Variants in ELAVL4 observed in about 807,000 individuals in gnomAD.
The protein encoded by ELAVL4 is ELAV-like protein 4.
Under a neutral mutation model 35.6 loss-of-function variants are expected in ELAVL4, and 1 was observed. That is an observed-to-expected ratio of 0.03 (90% CI 0.01 to 0.13). The LOEUF is 0.13. Among genes scored for constraint, ELAVL4 ranks in the 10% least tolerant of loss-of-function variants. The probability of loss-of-function intolerance (pLI) is 1.00; values close to 1 mark genes in which losing one functional copy is unlikely to be tolerated. For synonymous variants in ELAVL4, 156 were observed against 171.0 expected, an observed-to-expected ratio of 0.91 and a Z score of 0.69; for missense variants, 267 against 464.9, an observed-to-expected ratio of 0.57 and a Z score of 3.91.
intron 1 of ELAVL4, among the ~76,000 whole-genome samples, chr1:50,121,248 A>G (rs1424028725): frequency 6.6e-6 from 1 of 152,058 alleles, no homozygotes; most frequent in South Asian, 2.1e-4. Flanking sequence ...GTCTCTTAAT[A>G]TGTAAAACAG....
chr1:50,086,032 T>C (rs1043262854), intron 1 of ELAVL4, among the ~76,000 whole-genome samples: 1 of 152,232 alleles, frequency 6.6e-6, no homozygotes, highest in Non-Finnish European at 1.5e-5. Flanking sequence ...TGTTTTGTAA[T>C]ACATTTATGT....
intron 2 of ELAVL4, among the ~76,000 whole-genome samples, chr1:50,168,209 T>C (rs1420294774): frequency 6.6e-6 from 1 of 152,160 alleles, no homozygotes; most frequent in African/African-American, 2.4e-5. Flanking sequence ...CATGAGGCCA[T>C]TGGCGCAAAC....
At chr1:50,163,152 T>C (rs1236858057) in intron 2 of ELAVL4, among the ~76,000 whole-genome samples, 1 of 152,230 alleles carries the variant, frequency 6.6e-6, no homozygotes, top group African/African-American at 2.4e-5. Context: ...ACTATACCTG[T>C]TGCCCTTGAC....
At chr1:50,062,865 TATCCATTAATCCATCC>T (rs1664066138) in intron 1 of ELAVL4, among the ~76,000 whole-genome samples, 1 of 152,178 alleles carries the variant, frequency 6.6e-6, no homozygotes, top group African/African-American at 2.4e-5. Context: ...GCTGAGTTTT[TATCCATTAATCCATCC>T]ATCCATTCAC....
intron 3 of ELAVL4, among the ~76,000 whole-genome samples, chr1:50,184,067 G>C (rs1039777085): frequency 1.3e-5 from 2 of 152,168 alleles, no homozygotes; most frequent in Admixed American, 1.3e-4. Flanking sequence ...GTTTACCCCA[G>C]TTGTGCTAGC....
intron 1 of ELAVL4, among the ~76,000 whole-genome samples, chr1:50,053,315 C>A (rs1663489389): frequency 6.6e-6 from 1 of 152,128 alleles, no homozygotes; most frequent in South Asian, 2.1e-4. Context: ...CTCCTACAAC[C>A]ATTTCAGATG....
At chr1:50,197,543 C>A in intron 6 of ELAVL4, 76 bp downstream of exon 6, 1 of 1,293,132 alleles carries the variant, frequency 7.7e-7, no homozygotes, top group Non-Finnish European at 1.0e-6. Flanking sequence ...TTTTAATTCA[C>A]TAACTTTACT....
chr1:50,122,165 A>T (rs1669146825), intron 1 of ELAVL4, among the ~76,000 whole-genome samples: 1 of 152,050 alleles, frequency 6.6e-6, no homozygotes, highest in Admixed American at 6.6e-5. Flanking sequence ...ACTCCAGAAT[A>T]AAATTTCAAA....
intron 1 of ELAVL4, among the ~76,000 whole-genome samples, chr1:50,055,546 GC>G (rs1473714308): frequency 1.3e-5 from 2 of 151,952 alleles, no homozygotes; most frequent in Non-Finnish European, 2.9e-5. Flanking sequence ...TGATCCACCC[GC>G]CTCGGCCTCC....
In ELAVL4 at chr1:50,193,731, T is replaced by C. The variant is rs770103542; in HGVS notation, c.355-34T>C. 3 of 1,603,098 alleles carry C rather than the reference T, an allele frequency of 1.9e-6. No individual in the cohort carries two copies. In the Admixed American group the frequency reaches 5.1e-5, roughly 27 times the overall value. On this transcript the variant is annotated intron_variant, in intron 3 of 6. Coordinates refer to ENST00000371824, the MANE Select transcript of ELAVL4 (RefSeq NM_001144774.3). ...AGCATCTACTCTGAGGGTGATTGCC[T>C]ATAATGGAATTAGCTCCTCTTGCCT...
chr1:50,155,399 C>T (rs555914016), intron 2 of ELAVL4, among the ~76,000 whole-genome samples: 10 of 152,020 alleles, frequency 6.6e-5, no homozygotes, highest in Admixed American at 6.6e-5. Context: ...AGACACTTGC[C>T]CACTGTAATG....
intron 1 of ELAVL4, among the ~76,000 whole-genome samples, chr1:50,081,183 TG>T (rs1362970227): frequency 1.3e-5 from 2 of 152,208 alleles, no homozygotes; most frequent in Non-Finnish European, 2.9e-5. Flanking sequence ...TTTTCTGTAC[TG>T]TCTGTTGTAC....
chr1:50,109,936 C>T, intron 1 of ELAVL4: 1 of 1,612,232 alleles, frequency 6.2e-7, no homozygotes, highest in Non-Finnish European at 8.5e-7. Flanking sequence ...TTCTTCTGAT[C>T]ACAGATGGAG....
chr1:50,198,123 A>T (rs538593056), intron 6 of ELAVL4, among the ~76,000 whole-genome samples: 1 of 152,110 alleles, frequency 6.6e-6, no homozygotes, highest in Non-Finnish European at 1.5e-5. Context: ...GTTATATGTT[A>T]TGTGTGTTTT....
chr1:50,082,079 T>C (rs1665036810), intron 1 of ELAVL4, among the ~76,000 whole-genome samples: 1 of 152,228 alleles, frequency 6.6e-6, no homozygotes, highest in Non-Finnish European at 1.5e-5. Flanking sequence ...CAGTCTATCA[T>C]TGATGGGCAT....
chr1:50,077,850 T>TGTGGA (rs1305219591), intron 1 of ELAVL4, among the ~76,000 whole-genome samples: 6 of 152,212 alleles, frequency 3.9e-5, no homozygotes, highest in African/African-American at 1.4e-4. Context: ...TCAATAACTT[T>TGTGGA]ATCCCTCTGT....
intron 3 of ELAVL4, among the ~76,000 whole-genome samples, chr1:50,178,379 G>A (rs976537321): frequency 1.3e-5 from 2 of 152,212 alleles, no homozygotes; most frequent in African/African-American, 2.4e-5. Flanking sequence ...GAGACTACTG[G>A]TATAAGATAA....
At chr1:50,187,026 G>A (rs978460582) in intron 3 of ELAVL4, among the ~76,000 whole-genome samples, 1 of 152,206 alleles carries the variant, frequency 6.6e-6, no homozygotes, top group Admixed American at 6.5e-5. Context: ...CTAGAGGTGG[G>A]ATTGTAGGTC....
At chr1:50,178,670 G>T (rs1557841008) in intron 3 of ELAVL4, among the ~76,000 whole-genome samples, 1 of 152,126 alleles carries the variant, frequency 6.6e-6, no homozygotes, top group African/African-American at 2.4e-5. Flanking sequence ...TCCTCTGAGA[G>T]GCAGGAGGAT....
Sources: allele counts gnomAD v4.1 joint callset (sites outside exome capture counted in the v4.1 genomes callset), GRCh38; gene constraint gnomAD v4.1.1; transcripts MANE v1.5; gene names NCBI Gene and HGNC (gene_info 2026-07-23, HGNC 2026-07-21).